ARHGAP15: variants seen among roughly 807,000 people sequenced by gnomAD.
The protein encoded by ARHGAP15 is Rho GTPase activating protein 15.
Under a neutral mutation model 63.7 loss-of-function variants are expected in ARHGAP15, and 51 were observed. The ratio of observed to expected loss-of-function variants is 0.80; its 90% confidence interval spans 0.64 to 1.01. The LOEUF (loss-of-function observed/expected upper bound fraction) is 1.01. Ranked by LOEUF, ARHGAP15 falls within the 50% of genes least tolerant of loss-of-function variation. The pLI is 0.00. For synonymous variants in ARHGAP15, 191 were observed against 193.8 expected (o/e 0.99, Z 0.12); for missense variants, 560 against 564.6 (o/e 0.99, Z 0.08).
Position 143,384,107 on chromosome 2 carries a change from C to T in ARHGAP15, c.475-51494C>T, listed in dbSNP as rs188323516. On this transcript the variant is annotated intron_variant, in intron 6 of 13. Coordinates refer to ENST00000295095, the MANE Select transcript of ARHGAP15 (RefSeq NM_018460.4). ...TCTACTTGGAAATAGTTTGACTATA[C>T]GTAAGTGAAAAAGACTCTTAAGAAT... Among the ~76,000 whole-genome samples, 219 of 151,960 alleles carry T rather than the reference C, an allele frequency of 1.4e-3. 1 individual carries two copies. Among genetic ancestry groups the T allele is most frequent in the African/African-American group, 4.8e-3 (201 of 41,474 alleles).
chr2:143,167,416 T>A (rs1690587664), intron 2 of ARHGAP15, among the ~76,000 whole-genome samples: 2 of 152,118 alleles, frequency 1.3e-5, no homozygotes, highest in Admixed American at 1.3e-4. Flanking sequence ...CAATTCCTTA[T>A]TTTTCTTACA....
At chr2:143,366,172 A>G (rs1686284231) in intron 6 of ARHGAP15, among the ~76,000 whole-genome samples, 2 of 152,124 alleles carry the variant, frequency 1.3e-5, no homozygotes, top group Admixed American at 1.3e-4. Flanking sequence ...GTTGAGGTCC[A>G]ATTTTAATTT....
chr2:143,325,397 T>G (rs1459830392), intron 6 of ARHGAP15, among the ~76,000 whole-genome samples: 1 of 152,112 alleles, frequency 6.6e-6, no homozygotes, highest in Non-Finnish European at 1.5e-5. Context: ...ACACCTCATT[T>G]TAGTACAATT....
intron 10 of ARHGAP15, among the ~76,000 whole-genome samples, chr2:143,552,918 C>T (rs887083255): frequency 1.3e-5 from 2 of 152,066 alleles, no homozygotes; most frequent in African/African-American, 2.4e-5. Flanking sequence ...ACCTTGAAGA[C>T]GTTGGTCATT....
intron 9 of ARHGAP15, among the ~76,000 whole-genome samples, chr2:143,508,503 G>A (rs1012975144): frequency 3.9e-5 from 6 of 152,172 alleles, no homozygotes; most frequent in Non-Finnish European, 8.8e-5. Flanking sequence ...TCCCCAGTGG[G>A]CATTGAAAAA....
chr2:143,522,536 C>G (rs1694099513), intron 10 of ARHGAP15, among the ~76,000 whole-genome samples: 1 of 151,996 alleles, frequency 6.6e-6, no homozygotes, highest in Non-Finnish European at 1.5e-5. Context: ...GTACAATGAC[C>G]AAAAGCATGA....
intron 2 of ARHGAP15, among the ~76,000 whole-genome samples, chr2:143,163,282 G>T (rs1476837110): frequency 6.6e-6 from 1 of 151,716 alleles, no homozygotes; most frequent in Non-Finnish European, 1.5e-5. Flanking sequence ...TTGTGTGATG[G>T]CACAATAACA....
At chr2:143,329,146 C>T (rs1210976648) in intron 6 of ARHGAP15, among the ~76,000 whole-genome samples, 1 of 152,202 alleles carries the variant, frequency 6.6e-6, no homozygotes, top group Non-Finnish European at 1.5e-5. Context: ...ACAGTGCCTC[C>T]ATGATCTCTG....
chr2:143,164,469 C>A (rs1458359884), intron 2 of ARHGAP15, among the ~76,000 whole-genome samples: 2 of 151,816 alleles, frequency 1.3e-5, no homozygotes, highest in African/African-American at 4.8e-5. Context: ...TTTTATGATT[C>A]CTATTCACTT....
intron 6 of ARHGAP15, among the ~76,000 whole-genome samples, chr2:143,262,310 T>C (rs1221798473): frequency 6.6e-6 from 1 of 152,116 alleles, no homozygotes; most frequent in African/African-American, 2.4e-5. Context: ...ATGGCTGGCC[T>C]CAATCTCTAC....
chr2:143,685,330 T>A (rs1292479169), intron 12 of ARHGAP15, among the ~76,000 whole-genome samples: 1 of 152,202 alleles, frequency 6.6e-6, no homozygotes, highest in Non-Finnish European at 1.5e-5. Flanking sequence ...CAAAACACAG[T>A]CGAGCTATTT....
In ARHGAP15 at chr2:143,208,134, C is replaced by T. The variant is rs115989034; in HGVS notation, c.234+5932C>T. 8.7e-3 allele frequency among the ~76,000 whole-genome samples: 1,327 copies of T among 152,206 alleles called. 24 individuals are homozygous for T. The highest frequency in any genetic ancestry group is 0.03 in the African/African-American group (1,259 of 41,536). ...CATTCTTTCCTTTGGAGTTATTATC[C>T]ATCATCTCTACTGTATGGATCTTCA... On this transcript the variant is annotated intron_variant, in intron 3 of 13. Coordinates refer to ENST00000295095, the MANE Select transcript of ARHGAP15 (RefSeq NM_018460.4).
At chr2:143,265,667 T>A (rs1434785808) in intron 6 of ARHGAP15, among the ~76,000 whole-genome samples, 2 of 152,172 alleles carry the variant, frequency 1.3e-5, no homozygotes, top group Non-Finnish European at 2.9e-5. Flanking sequence ...TTTCGTAGGA[T>A]ATTCCAGGCC....
chr2:143,360,875 T>C (rs1233894425), intron 6 of ARHGAP15, among the ~76,000 whole-genome samples: 1 of 152,246 alleles, frequency 6.6e-6, no homozygotes, highest in Non-Finnish European at 1.5e-5. Flanking sequence ...ATATGGGTTC[T>C]TAATGTTTTA....
At chr2:143,708,730 C>A (rs1447951360) in intron 13 of ARHGAP15, among the ~76,000 whole-genome samples, 2 of 152,088 alleles carry the variant, frequency 1.3e-5, no homozygotes, top group Non-Finnish European at 1.5e-5. Context: ...TCTCTCTATG[C>A]CTCTTATGAA....
rs546017040 is a variant in ARHGAP15, at chr2:143,214,160, G to A, written c.235-2224G>A. 7.2e-5 allele frequency among the ~76,000 whole-genome samples: 11 copies of A among 152,178 alleles called. No individual in the cohort carries two copies. The South Asian group carries it at 2.3e-3, about 32-fold the overall frequency. The stretch of plus-strand genomic sequence containing the variant: ...GTGAATTTTTGGAAAAAACAATTGG[G>A]GCTATATTTTTAGCAGAGAACGCAT... On this transcript the variant is annotated intron_variant, in intron 3 of 13. Transcript: ENST00000295095.
At chr2:143,444,073 C>T (rs1210656657) in intron 8 of ARHGAP15, among the ~76,000 whole-genome samples, 1 of 152,174 alleles carries the variant, frequency 6.6e-6, no homozygotes, top group Non-Finnish European at 1.5e-5. Flanking sequence ...GTCCACCTAA[C>T]CCTCTCAGTG....
chr2:143,559,027 T>C (rs1574632911), intron 11 of ARHGAP15, among the ~76,000 whole-genome samples: 1 of 152,158 alleles, frequency 6.6e-6, no homozygotes, highest in East Asian at 1.9e-4. Context: ...ACCCCCTCTG[T>C]GGGTAAAATA....
intron 6 of ARHGAP15, among the ~76,000 whole-genome samples, chr2:143,259,255 C>T (rs1474399628): frequency 6.6e-6 from 1 of 152,088 alleles, no homozygotes; most frequent in Admixed American, 6.6e-5. Context: ...ACATTTACAA[C>T]CACAGATGTT....
Sources: allele counts gnomAD v4.1 joint callset (sites outside exome capture counted in the v4.1 genomes callset), GRCh38; gene constraint gnomAD v4.1.1; transcripts MANE v1.5; gene names NCBI Gene and HGNC (gene_info 2026-07-23, HGNC 2026-07-21).